The following ZMAT5 variants were observed in gnomAD, a reference collection of about 807,000 sequenced individuals.
ZMAT5 encodes the protein zinc finger matrin-type 5.
ZMAT5 carries 23 observed loss-of-function variants against 28.0 expected under a neutral mutation model. That is an observed-to-expected ratio of 0.82 (90% CI 0.59 to 1.16). ZMAT5 has a LOEUF of 1.16. Ranked by LOEUF, ZMAT5 falls within the 50% of genes most tolerant of loss-of-function variation. The pLI, the probability that ZMAT5 is intolerant of heterozygous loss-of-function variation, is 0.00. For synonymous variants in ZMAT5, 76 were observed against 84.1 expected (o/e 0.90, Z 0.52); for missense variants, 173 against 212.7 (o/e 0.81, Z 1.16).
intron 5 of ZMAT5, among the ~76,000 whole-genome samples, chr22:29,732,426 T>TG (rs1753543142): frequency 6.6e-6 from 1 of 152,084 alleles, no homozygotes. Flanking sequence ...TGTCCAGCTG[T>TG]GGGGGACTGA....
At chr22:29,744,489 G>C (rs550786126) in intron 2 of ZMAT5, among the ~76,000 whole-genome samples, 1 of 151,952 alleles carries the variant, frequency 6.6e-6, no homozygotes, top group African/African-American at 2.4e-5. Context: ...GGGCTTGTCA[G>C]ACTCATTGTA....
At chr22:29,742,225 C>A (rs902777301) in intron 3 of ZMAT5, among the ~76,000 whole-genome samples, 193 bp downstream of exon 3, 2 of 152,208 alleles carry the variant, frequency 1.3e-5, no homozygotes, top group African/African-American at 4.8e-5. Flanking sequence ...ATCTGAAGAG[C>A]TGAGGACCAG....
intron 2 of ZMAT5, chr22:29,746,677 T>C (rs1033391533): frequency 1.3e-5 from 2 of 152,114 alleles, no homozygotes; most frequent in African/African-American, 4.8e-5. Flanking sequence ...ACTGAATGTG[T>C]TGGGGATGTG....
At chr22:29,738,218 CGGCCCCTG>C in intron 5 of ZMAT5, 104 bp downstream of exon 5, 1 of 1,050,898 alleles carries the variant, frequency 9.5e-7, no homozygotes, top group Middle Eastern at 2.5e-4. Flanking sequence ...CAACTTTATT[CGGCCCCTG>C]GGCCTGGGCA....
Position 29,744,296 on chromosome 22 carries a change from A to G in ZMAT5, c.128-1816T>C, listed in dbSNP as rs968503552. On this transcript the variant is annotated intron_variant, in intron 2 of 5. Transcript: ENST00000344318. ...CACAAACCCTCTGAACAGCGCAAAC[A>G]TCCCCACTTTGCAGAGGGGAAAACA... Among the ~76,000 whole-genome samples, 3 of 143,138 alleles carry G rather than the reference A, an allele frequency of 2.1e-5. No homozygotes were observed. In the Admixed American group the frequency reaches 2.4e-4, roughly 11 times the overall value. 93.9% of individuals were successfully genotyped at this position (143,138 alleles called of 152,430 possible). A position where few individuals can be genotyped will look rare whatever the true frequency, so the allele number is the denominator to read the frequency against.
intron 1 of ZMAT5, among the ~76,000 whole-genome samples, chr22:29,755,704 C>T (rs988227116): frequency 4.6e-5 from 7 of 151,200 alleles, no homozygotes; most frequent in Non-Finnish European, 1.0e-4. Flanking sequence ...CTAATAATAA[C>T]CATAACAATT....
intron 5 of ZMAT5, chr22:29,731,627 C>G: frequency 2.4e-6 from 1 of 423,324 alleles, no homozygotes; most frequent in South Asian, 3.0e-5. Context: ...GGGACTGATT[C>G]AATACATATG....
intron 5 of ZMAT5, chr22:29,731,735 A>G (rs2038514926): frequency 5.4e-6 from 1 of 184,210 alleles, no homozygotes; most frequent in African/African-American, 2.4e-5. Flanking sequence ...AGGGAGAAAA[A>G]GCAGCTTATA....
chr22:29,764,190 T>G (rs1401471253), intron 1 of ZMAT5, among the ~76,000 whole-genome samples: 2 of 152,140 alleles, frequency 1.3e-5, no homozygotes, highest in Admixed American at 1.3e-4. Flanking sequence ...CACCTTTAAC[T>G]CCCTGTGGTC....
chr22:29,737,098 G>A (rs561717718), intron 5 of ZMAT5, among the ~76,000 whole-genome samples: 3 of 151,274 alleles, frequency 2.0e-5, no homozygotes, highest in Admixed American at 6.6e-5. Flanking sequence ...GGGAGGCCGA[G>A]GCAGGCGGAT....
At chr22:29,754,811 GCTCCAGCCAGCTGAGATTGCGCCACTACA>G (rs1354317765) in intron 1 of ZMAT5, among the ~76,000 whole-genome samples, 2 of 152,122 alleles carry the variant, frequency 1.3e-5, no homozygotes, top group Non-Finnish European at 2.9e-5. Flanking sequence ...GGAGGTCAAG[GCTCCAGCCAGCTGAGATTGCGCCACTACA>G]CTCCAGCCTG....
chr22:29,749,781 AAGAGTTCTCACAG>A (rs1233861968), intron 1 of ZMAT5, among the ~76,000 whole-genome samples: 1 of 152,046 alleles, frequency 6.6e-6, no homozygotes, highest in Admixed American at 6.5e-5. Context: ...CATGATAGTG[AAGAGTTCTCACAG>A]GATCTGATGG....
chr22:29,739,241 A>T (rs951063923), intron 4 of ZMAT5, among the ~76,000 whole-genome samples: 1 of 152,228 alleles, frequency 6.6e-6, no homozygotes, highest in Non-Finnish European at 1.5e-5. Flanking sequence ...TGGAATTTAT[A>T]CAAGCTGGGT....
At chr22:29,761,990 G>A (rs898070404) in intron 1 of ZMAT5, among the ~76,000 whole-genome samples, 3 of 152,086 alleles carry the variant, frequency 2.0e-5, no homozygotes, top group Admixed American at 2.0e-4. Flanking sequence ...CTGACATAGA[G>A]AATTTTACTA....
intron 4 of ZMAT5, among the ~76,000 whole-genome samples, chr22:29,740,237 G>A (rs1019668521): frequency 2.6e-5 from 4 of 152,178 alleles, no homozygotes; most frequent in Non-Finnish European, 5.9e-5. Context: ...ACTCCAGAGG[G>A]CAGGGAAGGT....
intron 2 of ZMAT5, chr22:29,746,841 C>G (rs2068012840): frequency 6.6e-6 from 1 of 152,250 alleles, no homozygotes; most frequent in African/African-American, 2.4e-5. Context: ...CTCGGCCCAG[C>G]TCCCTCTAGA....
At chr22:29,764,148 T>C (rs1395669668) in intron 1 of ZMAT5, among the ~76,000 whole-genome samples, 2 of 151,982 alleles carry the variant, frequency 1.3e-5, no homozygotes, top group Non-Finnish European at 2.9e-5. Flanking sequence ...TCTACAAAAA[T>C]AAAACATAAT....
chr22:29,756,656 C>A (rs1440047683), intron 1 of ZMAT5, among the ~76,000 whole-genome samples: 1 of 152,156 alleles, frequency 6.6e-6, no homozygotes, highest in Non-Finnish European at 1.5e-5. Flanking sequence ...CACTTGTAAT[C>A]CCAGCACTTT....
intron 1 of ZMAT5, among the ~76,000 whole-genome samples, chr22:29,763,274 C>T (rs528614710): frequency 5.2e-4 from 68 of 131,808 alleles, no homozygotes; most frequent in African/African-American, 1.7e-3. Context: ...GCCTGGGCAA[C>T]ACAGCGAGAC....
Sources: allele counts gnomAD v4.1 joint callset (sites outside exome capture counted in the v4.1 genomes callset), GRCh38; gene constraint gnomAD v4.1.1; transcripts MANE v1.5; gene names NCBI Gene and HGNC (gene_info 2026-07-23, HGNC 2026-07-21).